AUH: variants seen among roughly 807,000 people sequenced by gnomAD.
AUH encodes methylglutaconyl-CoA hydratase, mitochondrial.
In AUH, 29 loss-of-function variants were observed where a neutral mutation model predicts 42.3. The ratio of observed to expected loss-of-function variants is 0.69; its 90% CI spans 0.51 to 0.93. AUH has a LOEUF of 0.93. Ranked by LOEUF, AUH falls within the 40% of genes least tolerant of loss-of-function variation. The pLI is 0.00. For missense variants in AUH, 452 were observed against 438.1 expected, an observed-to-expected ratio of 1.03 and a Z score of -0.28; for synonymous variants, 174 against 166.4, an observed-to-expected ratio of 1.05 and a Z score of -0.35.
At chr9:91,322,986 T>TAC (rs1829697939) in intron 4 of AUH, among the ~76,000 whole-genome samples, 1 of 152,234 alleles carries the variant, frequency 6.6e-6, no homozygotes, top group Admixed American at 6.5e-5. Context: ...CAAACTTTAA[T>TAC]ACTTATTCTT....
At chr9:91,311,005 A>G (rs1009773891) in intron 4 of AUH, among the ~76,000 whole-genome samples, 6 of 152,232 alleles carry the variant, frequency 3.9e-5, no homozygotes, top group African/African-American at 1.2e-4. Flanking sequence ...TCTCAAACTG[A>G]AAGACATGCT....
At chr9:91,337,406 AT>A (rs1220958466) in intron 3 of AUH, among the ~76,000 whole-genome samples, 1 of 152,098 alleles carries the variant, frequency 6.6e-6, no homozygotes, top group Non-Finnish European at 1.5e-5. Flanking sequence ...CACAGTCCAT[AT>A]ACTTTGGAAG....
chr9:91,247,236 G>T (rs1019530792), intron 6 of AUH, among the ~76,000 whole-genome samples: 3 of 152,144 alleles, frequency 2.0e-5, no homozygotes, highest in African/African-American at 7.2e-5. Context: ...CACTGCTGCA[G>T]AGACCCATCA....
intron 6 of AUH, among the ~76,000 whole-genome samples, chr9:91,239,176 A>G (rs75715751): frequency 0.026 from 3,854 of 149,920 alleles, 79 homozygotes; most frequent in East Asian, 0.059. Context: ...TTTATCCTTC[A>G]TCTTTTCCCT....
At chr9:91,274,670 C>T (rs1234939810) in intron 6 of AUH, among the ~76,000 whole-genome samples, 1 of 152,084 alleles carries the variant, frequency 6.6e-6, no homozygotes, top group African/African-American at 2.4e-5. Context: ...ACTTAATCCA[C>T]ATTAAATAAA....
chr9:91,361,747 G>T lies in AUH; in HGVS notation c.143C>A (p.Ala48Glu). Residue 48 changes from alanine to glutamate, a missense_variant, in exon 1 of 10, where the codon GCG becomes GAG. Transcript: ENST00000375731. ...GSLAGRRAGPAIWAQGWVPAA... is the reference protein window; with the variant it reads ...GSLAGRRAGPEIWAQGWVPAA... The stretch of plus-strand genomic sequence containing the variant: ...AGGTACCCAGCCCTGGGCCCAGATC[G>T]CCGGGCCCGCTCGCCGGCCTGCCAA... 1 of 1,545,048 alleles carries T rather than the reference G, an allele frequency of 6.5e-7. No homozygotes were observed. The highest frequency in any genetic ancestry group is 2.5e-5 in the East Asian group (1 of 40,386).
intron 6 of AUH, among the ~76,000 whole-genome samples, chr9:91,224,035 T>C (rs1002163362): frequency 2.0e-5 from 3 of 152,118 alleles, no homozygotes; most frequent in African/African-American, 7.2e-5. Context: ...CTAGTTTTAG[T>C]GGGTTAGGGA....
intron 4 of AUH, chr9:91,306,467 T>G: frequency 3.7e-6 from 3 of 810,174 alleles, no homozygotes; most frequent in Non-Finnish European, 4.5e-6. Context: ...AGTAGTTTAC[T>G]TTCACTTGGC....
At chr9:91,238,348 C>T (rs1385904901) in intron 6 of AUH, among the ~76,000 whole-genome samples, 1 of 152,180 alleles carries the variant, frequency 6.6e-6, no homozygotes, top group Non-Finnish European at 1.5e-5. Flanking sequence ...GAAGGGAGTG[C>T]TCCATTTTCA....
chr9:91,248,600 C>T (rs527389157), intron 6 of AUH, among the ~76,000 whole-genome samples: 9 of 152,092 alleles, frequency 5.9e-5, no homozygotes, highest in East Asian at 1.9e-4. Flanking sequence ...ATAACTAGTA[C>T]GTAAATCTTA....
chr9:91,319,180 C>T (rs771016583), intron 4 of AUH, among the ~76,000 whole-genome samples: 1 of 152,184 alleles, frequency 6.6e-6, no homozygotes, highest in Non-Finnish European at 1.5e-5. Flanking sequence ...CTAGGCACTG[C>T]ATCTCTGTCT....
intron 6 of AUH, among the ~76,000 whole-genome samples, chr9:91,229,330 A>G (rs2131277230): frequency 6.9e-6 from 1 of 144,832 alleles, no homozygotes; most frequent in East Asian, 2.0e-4. Context: ...GTCTCTTTTG[A>G]TCTTTGTTGG....
intron 6 of AUH, among the ~76,000 whole-genome samples, chr9:91,287,022 T>C (rs1242851548): frequency 3.3e-5 from 5 of 152,148 alleles, no homozygotes; most frequent in Admixed American, 3.3e-4. Flanking sequence ...AATGTGTGTG[T>C]GTAGATATAT....
chr9:91,320,683 T>C (rs1829500820), intron 4 of AUH, among the ~76,000 whole-genome samples: 1 of 152,240 alleles, frequency 6.6e-6, no homozygotes, highest in African/African-American at 2.4e-5. Flanking sequence ...AAGTTTTTCT[T>C]TTAACATAAC....
intron 6 of AUH, among the ~76,000 whole-genome samples, chr9:91,271,592 T>A (rs2131510607): frequency 6.6e-6 from 1 of 152,412 alleles, no homozygotes. Context: ...GGGCTTGTCC[T>A]ATGACAATTA....
intron 6 of AUH, among the ~76,000 whole-genome samples, chr9:91,273,030 C>T (rs937633012): frequency 7.9e-5 from 12 of 152,206 alleles, no homozygotes. Flanking sequence ...TGGATACCAA[C>T]TTTAGCTGAA....
chr9:91,220,656 T>A, intron 7 of AUH, 149 bp downstream of exon 7: 3 of 745,320 alleles, frequency 4.0e-6, no homozygotes, highest in Non-Finnish European at 6.5e-6. Flanking sequence ...TTATCTTGTG[T>A]AACTGCTCTA....
At chr9:91,296,602 T>A (rs1827350670) in intron 5 of AUH, among the ~76,000 whole-genome samples, 1 of 152,352 alleles carries the variant, frequency 6.6e-6, no homozygotes, top group Middle Eastern at 3.4e-3. Flanking sequence ...TCATGGCTAC[T>A]TTAAAACATC....
intron 1 of AUH, among the ~76,000 whole-genome samples, chr9:91,360,898 T>C (rs1832795810): frequency 6.6e-6 from 1 of 152,202 alleles, no homozygotes. Context: ...TTCACGACCC[T>C]TTTAGCTTTT....
Sources: gnomAD v4.1 joint callset for allele counts (sites outside exome capture counted in the v4.1 genomes callset) on GRCh38, gnomAD v4.1.1 for gene constraint, MANE v1.5 for transcripts, NCBI Gene and HGNC (gene_info 2026-07-23, HGNC 2026-07-21) for gene names.